Variants in SEPTIN6 observed in about 807,000 individuals in gnomAD.
SEPTIN6 encodes the protein septin-6.
In SEPTIN6, 8 loss-of-function variants were observed where a neutral mutation model predicts 33.6. That is an observed-to-expected ratio of 0.24 (90% CI 0.14 to 0.43). The LOEUF is 0.43. Among genes scored for constraint, SEPTIN6 ranks in the 20% least tolerant of loss-of-function variants. The pLI is 1.00. For synonymous variants in SEPTIN6, 131 were observed against 140.0 expected, an observed-to-expected ratio of 0.94 and a Z score of 0.45; for missense variants, 250 against 340.8, an observed-to-expected ratio of 0.73 and a Z score of 2.10.
chrX:119,618,543 T>TAA lies in SEPTIN6; in HGVS notation c.*1548_*1549dup. ...AGTAAGTGATCAAAAAAAGAAACTC[T>TAA]AAAAAAAAAATAGAAGTAGGTGGTC... On this transcript the variant is annotated 3_prime_UTR_variant, in exon 11 of 11. Transcript: ENST00000394610. The TAA allele has an allele frequency of 3.6e-6, 3 of 832,866 alleles. No individual in the cohort carries two copies. Among genetic ancestry groups the TAA allele is most frequent in the Admixed American group, 6.3e-5 (1 of 15,973 alleles). 68.6% of individuals were successfully genotyped at this position (832,866 alleles called of 1,213,427 possible). A position where few individuals can be genotyped will look rare whatever the true frequency, so the allele number is the denominator to read the frequency against.
rs965651408 is a variant in SEPTIN6 at position 119,685,205 on chromosome X, T to C, written c.30+7871A>G. Among the ~76,000 whole-genome samples the C allele has an allele frequency of 5.4e-5, 6 of 111,985 alleles. No homozygotes were observed. In the South Asian group the frequency reaches 1.1e-3, roughly 21 times the overall value. On this transcript the variant is annotated intron_variant, in intron 1 of 10. Coordinates refer to ENST00000394610, the MANE Select transcript of SEPTIN6 (RefSeq NM_145799.4). ...CTACTGCATTGAAAGCAGGATTCAA[T>C]AGACAAACATTCAGCTGTCATGTAC...
At chrX:119,690,029 C>T (rs768089390) in intron 1 of SEPTIN6, among the ~76,000 whole-genome samples, 4 of 111,342 alleles carry the variant, frequency 3.6e-5, no homozygotes, top group South Asian at 3.7e-4. Context: ...AAGCCCAGTC[C>T]GATCACGAAC....
intron 7 of SEPTIN6, among the ~76,000 whole-genome samples, chrX:119,634,010 A>G: frequency 8.9e-6 from 1 of 112,124 alleles, no homozygotes; most frequent in East Asian, 2.8e-4. Context: ...CAGCCATCAT[A>G]CCTGCCATCA....
At chrX:119,654,071 A>AAAACAAAC (rs985988168) in intron 3 of SEPTIN6, among the ~76,000 whole-genome samples, 1 of 110,540 alleles carries the variant, frequency 9.0e-6, no homozygotes, top group Admixed American at 9.7e-5. Context: ...CCCATCTCCA[A>AAAACAAAC]AAACAAACAA....
At chrX:119,688,374 G>A (rs2055094622) in intron 1 of SEPTIN6, among the ~76,000 whole-genome samples, 1 of 111,445 alleles carries the variant, frequency 9.0e-6, no homozygotes, top group Non-Finnish European at 1.9e-5. Context: ...AAGGGACCAT[G>A]TGCATTTGGG....
chrX:119,624,099 C>T (rs764265067), intron 10 of SEPTIN6: 1 of 314,607 alleles, frequency 3.2e-6, no homozygotes, highest in Admixed American at 3.3e-5. Flanking sequence ...AAGGAATTCT[C>T]TATAATTTCT....
chrX:119,668,124 C>T (rs1033112911), intron 2 of SEPTIN6, among the ~76,000 whole-genome samples: 4 of 110,084 alleles, frequency 3.6e-5, no homozygotes, highest in South Asian at 7.7e-4. Context: ...GGTGAAATCC[C>T]GTCTCTACTA....
rs890964645 is a variant in SEPTIN6, at chrX:119,619,045, G to A, written c.*1048C>T. ...TAAGGGCCTTTTCTTCTCTCCGGCC[G>A]AGTCTCATCTCTTCTTATTGGGGGA... On this transcript the variant is annotated 3_prime_UTR_variant, in exon 11 of 11. Coordinates refer to ENST00000394610, the MANE Select transcript of SEPTIN6 (RefSeq NM_145799.4). 39 of 943,696 alleles carry A rather than the reference G, an allele frequency of 4.1e-5. No individual in the cohort carries two copies. Among genetic ancestry groups the A allele is most frequent in the Non-Finnish European group, 4.7e-5 (36 of 759,206 alleles). 77.8% of individuals were successfully genotyped at this position (943,696 alleles called of 1,213,427 possible).
intron 5 of SEPTIN6, among the ~76,000 whole-genome samples, chrX:119,643,110 G>T (rs1171847506): frequency 2.7e-5 from 3 of 111,122 alleles, no homozygotes; most frequent in Non-Finnish European, 3.8e-5. Context: ...ATCTTTGCCA[G>T]GAGAGTTGAT....
chrX:119,662,434 C>T (rs1463944401), intron 3 of SEPTIN6, among the ~76,000 whole-genome samples: 5 of 111,834 alleles, frequency 4.5e-5, no homozygotes, highest in Non-Finnish European at 9.4e-5. Context: ...AAATTTGGGC[C>T]TCATTCTAGA....
At chrX:119,628,120 CTTTTCTATTTT>C (rs1174389839) in intron 9 of SEPTIN6, among the ~76,000 whole-genome samples, 1 of 105,245 alleles carries the variant, frequency 9.5e-6, no homozygotes, top group Admixed American at 1.0e-4. Flanking sequence ...TCCTCTCTTT[CTTTTCTATTTT>C]TTTTTTTTTC....
At chrX:119,673,081 T>C (rs1268466588) in intron 2 of SEPTIN6, among the ~76,000 whole-genome samples, 3 of 111,789 alleles carry the variant, frequency 2.7e-5, no homozygotes, top group Non-Finnish European at 5.6e-5. Context: ...GGTTCCAAAG[T>C]TGATGTGGGC....
rs143574244 is a variant in SEPTIN6 at position 119,686,681 on chromosome X, T to C, written c.30+6395A>G. 1,029 of 770,548 alleles carry C rather than the reference T, an allele frequency of 1.3e-3. 9 individuals carry two copies. The African/African-American group carries it at 0.02, about 15-fold the overall frequency. The allele number at this position is 770,548 out of a possible 1,213,427, so 63.5% of individuals were successfully genotyped here. The stretch of plus-strand genomic sequence containing the variant: ...AGGAAGGGTCTGTGTTTCTAATTTA[T>C]TCTGCGCCCCCCACTCCAGTTGTTA... On this transcript the variant is annotated intron_variant, in intron 1 of 10. Coordinates refer to ENST00000394610, the MANE Select transcript of SEPTIN6 (RefSeq NM_145799.4).
chrX:119,636,456 C>T (rs373741381), intron 7 of SEPTIN6, among the ~76,000 whole-genome samples: 19 of 112,202 alleles, frequency 1.7e-4, no homozygotes, highest in African/African-American at 5.8e-4. Flanking sequence ...GATCAACATC[C>T]TGCGGTCAAA....
rs992900394 is a variant in SEPTIN6, at chrX:119,617,573, A to G, written c.*2520T>C. ...TCCATCTTCAGATGTTTTTCTGTGG[A>G]AAAAAACCTCGAGGGTCTTCTAATA... On this transcript the variant is annotated 3_prime_UTR_variant, in exon 11 of 11. Coordinates refer to ENST00000394610, the MANE Select transcript of SEPTIN6 (RefSeq NM_145799.4). The G allele has an allele frequency of 3.7e-6, 3 of 803,178 alleles. No homozygotes were observed. Among genetic ancestry groups the G allele is most frequent in the Non-Finnish European group, 4.5e-6 (3 of 669,254 alleles). The allele number at this position is 803,178 out of a possible 1,213,427, so 66.2% of individuals were successfully genotyped here.
intron 3 of SEPTIN6, among the ~76,000 whole-genome samples, chrX:119,658,829 ATT>A (rs1167412646): frequency 1.8e-5 from 2 of 112,214 alleles, no homozygotes; most frequent in Non-Finnish European, 3.8e-5. Flanking sequence ...TCTGTAAATT[ATT>A]TGTTTATTTC....
At chrX:119,643,075 C>T (rs2054181975) in intron 5 of SEPTIN6, among the ~76,000 whole-genome samples, 1 of 111,387 alleles carries the variant, frequency 9.0e-6, no homozygotes, top group African/African-American at 3.3e-5. Context: ...CCTGAAAATG[C>T]TGCCCAAGGG....
chrX:119,666,765 A>T (rs73637876), intron 2 of SEPTIN6, among the ~76,000 whole-genome samples: 1 of 111,151 alleles, frequency 9.0e-6, no homozygotes, highest in Admixed American at 9.6e-5. Context: ...CCTCCCCTAA[A>T]GGAACAGGAA....
At chrX:119,688,322 TTAGA>T (rs954075564) in intron 1 of SEPTIN6, among the ~76,000 whole-genome samples, 1 of 111,342 alleles carries the variant, frequency 9.0e-6, no homozygotes, top group Non-Finnish European at 1.9e-5. Context: ...ACAAAGATAA[TTAGA>T]TAGTGATTTG....
Sources: gnomAD v4.1 joint callset for allele counts (sites outside exome capture counted in the v4.1 genomes callset) on GRCh38, gnomAD v4.1.1 for gene constraint, MANE v1.5 for transcripts, NCBI Gene and HGNC (gene_info 2026-07-23, HGNC 2026-07-21) for gene names.